Variants in ZNF385C observed in about 807,000 individuals in gnomAD.
The protein encoded by ZNF385C is zinc finger protein 385C, also known as CTD-2132N18.2.
ZNF385C carries 28 observed loss-of-function variants against 35.4 expected under a neutral mutation model. The observed-to-expected ratio is 0.79, with a 90% CI of 0.59 to 1.08. The LOEUF (loss-of-function observed/expected upper bound fraction) is 1.08. Among genes scored for constraint, ZNF385C ranks in the 50% least tolerant of loss-of-function variants. ZNF385C has a pLI of 0.00. For missense variants in ZNF385C, 605 were observed against 595.6 expected, an observed-to-expected ratio of 1.02 and a Z score of -0.16; for synonymous variants, 248 against 248.2, an observed-to-expected ratio of 1.00 and a Z score of 0.01.
intron 1 of ZNF385C, among the ~76,000 whole-genome samples, chr17:42,071,547 A>G (rs2053624113): frequency 6.6e-6 from 1 of 152,132 alleles, no homozygotes; most frequent in South Asian, 2.1e-4. Flanking sequence ...TTGCTGTCTA[A>G]CCTGCATCTC....
At chr17:42,032,289 T>C (rs2143551600) in intron 4 of ZNF385C, among the ~76,000 whole-genome samples, 1 of 152,220 alleles carries the variant, frequency 6.6e-6, no homozygotes, top group African/African-American at 2.4e-5. Flanking sequence ...CTCGATCTCC[T>C]GCCTCGTGAT....
chr17:42,076,222 T>C (rs190038234), intron 1 of ZNF385C, among the ~76,000 whole-genome samples: 8 of 152,328 alleles, frequency 5.3e-5, no homozygotes, highest in Admixed American at 5.2e-4. Context: ...TGCCGTCTAT[T>C]GTGGGCCTTC....
chr17:42,068,972 G>C (rs1428018818), intron 1 of ZNF385C, among the ~76,000 whole-genome samples: 1 of 152,198 alleles, frequency 6.6e-6, no homozygotes, highest in African/African-American at 2.4e-5. Flanking sequence ...GAAAGAGGTG[G>C]GGCCAGAGCC....
Position 42,037,796 on chromosome 17 carries a change from A to T in ZNF385C, c.340T>A (p.Leu114Met). ...GCGCCATTGAAGTGGAAGGCGAGCA[A>T]GTGCTTGAAGTCCAGCGGGGGCTGC... ...PLQPPLDFKH[L>M]LAFHFNGAAP... Residue 114 changes from leucine to methionine, a missense_variant, in exon 3 of 9, where the codon TTG (leucine) becomes ATG (methionine). Leu to Met is a conservative substitution (Grantham distance 15). Coordinates refer to ENST00000692273, the MANE Select transcript of ZNF385C (RefSeq NM_001392013.1). The T allele has an allele frequency of 2.6e-6, 4 of 1,530,400 alleles. No homozygotes were observed. The highest frequency in any genetic ancestry group is 2.6e-6 in the Non-Finnish European group (3 of 1,137,606). 94.8% of individuals were successfully genotyped at this position (1,530,400 alleles called of 1,614,324 possible).
In ZNF385C at chr17:42,034,293, C is replaced by T. The variant is rs782380559; in HGVS notation, c.442G>A (p.Val148Ile). 5 of 1,550,630 alleles carry T rather than the reference C, an allele frequency of 3.2e-6. No individual in the cohort carries two copies. The South Asian group carries it at 3.6e-5, about 11-fold the overall frequency. ...QKAVISHTFG[V>I]PSPLKKKLFI... is the part of the protein sequence containing the mutation. ...AGCTTCTTCTTCAGAGGGGAGGGGA[C>T]ACCAAACGTGTGGCTGATGACAGCT... The change falls in exon 4 of 9, where the codon GTC becomes ATC. Residue 148 changes from valine (V) to isoleucine (I), a missense_variant. Val to Ile is a conservative substitution (Grantham distance 29). Transcript: ENST00000692273.
At chr17:42,027,994 T>G in intron 7 of ZNF385C, 56 bp downstream of exon 7, 32 of 1,367,620 alleles carry the variant, frequency 2.3e-5, no homozygotes, top group Non-Finnish European at 2.8e-5. Context: ...TCTGCTGCCC[T>G]GCCCCCCAAC....
chr17:42,043,208 G>GC (rs2053068401), intron 2 of ZNF385C: 1 of 1,232,274 alleles, frequency 8.1e-7, no homozygotes. Context: ...GCTTTGCCAT[G>GC]CTTGTTCCGT....
chr17:42,043,118 G>A (rs2143673273), intron 2 of ZNF385C: 6 of 1,232,262 alleles, frequency 4.9e-6, no homozygotes, highest in South Asian at 4.1e-5. Context: ...GCCAGAGCCT[G>A]GCGGTGGGCT....
intron 2 of ZNF385C, chr17:42,043,088 G>A (rs1179688831): frequency 1.6e-6 from 2 of 1,232,110 alleles, no homozygotes; most frequent in African/African-American, 1.6e-5. Context: ...CCCTCAAAAG[G>A]GGGCTGGCCC....
chr17:42,039,766 AACCCG>A, intron 2 of ZNF385C: 1 of 1,232,406 alleles, frequency 8.1e-7, no homozygotes, highest in East Asian at 3.2e-5. Context: ...CTCCACAGCC[AACCCG>A]AAGTCAAACT....
At chr17:42,043,105 A>G in intron 2 of ZNF385C, 1 of 1,232,218 alleles carries the variant, frequency 8.1e-7, no homozygotes, top group Non-Finnish European at 1.0e-6. Flanking sequence ...GCCCTGGTTG[A>G]CAGCCAGAGC....
intron 2 of ZNF385C, among the ~76,000 whole-genome samples, chr17:42,051,968 G>A (rs2053290645): frequency 6.6e-6 from 1 of 152,222 alleles, no homozygotes; most frequent in Non-Finnish European, 1.5e-5. Flanking sequence ...AATGAAGGGA[G>A]ATGTTGCAGC....
intron 1 of ZNF385C, among the ~76,000 whole-genome samples, chr17:42,090,562 G>A (rs1555660445): frequency 6.6e-6 from 1 of 151,122 alleles, no homozygotes; most frequent in African/African-American, 2.4e-5. Flanking sequence ...TGGGATTACA[G>A]ACGTGAGCCA....
At chr17:42,040,152 C>T (rs1383608552) in intron 2 of ZNF385C, 3 of 1,231,388 alleles carry the variant, frequency 2.4e-6, no homozygotes, top group Non-Finnish European at 1.0e-6. Flanking sequence ...CCGGCGCCTG[C>T]GGGTAGCGTC....
intron 7 of ZNF385C, 45 bp downstream of exon 7, chr17:42,028,005 C>A: frequency 1.3e-6 from 2 of 1,593,662 alleles, no homozygotes; most frequent in African/African-American, 1.3e-5. Flanking sequence ...GCCCCCCAAC[C>A]CCCTCCCCTG....
At chr17:42,036,496 C>A (rs1340369419) in intron 3 of ZNF385C, among the ~76,000 whole-genome samples, 1 of 151,696 alleles carries the variant, frequency 6.6e-6, no homozygotes, top group Non-Finnish European at 1.5e-5. Context: ...AGTTTGAGAC[C>A]AGCCTGGGTA....
intron 5 of ZNF385C, 39 bp downstream of exon 5, chr17:42,031,580 G>A (rs782067723): frequency 2.0e-6 from 3 of 1,522,494 alleles, no homozygotes; most frequent in East Asian, 2.5e-5. Flanking sequence ...AACCAGATTT[G>A]GAGTGGAGAC....
intron 1 of ZNF385C, among the ~76,000 whole-genome samples, chr17:42,089,501 C>T (rs2053842819): frequency 6.6e-6 from 1 of 152,084 alleles, no homozygotes; most frequent in Non-Finnish European, 1.5e-5. Flanking sequence ...TGATTCCTCC[C>T]ACAGATCAAC....
rs991159072 is a variant in ZNF385C at position 42,064,059 on chromosome 17, C to T, written c.-2-1001G>A. On this transcript the variant is annotated intron_variant, in intron 1 of 8. Coordinates refer to ENST00000692273, the MANE Select transcript of ZNF385C (RefSeq NM_001392013.1). Reference sequence around the variant, plus strand: ...CCTGCCCCCGCCCTGTCCCCCAACGCGCGCACACGCACATACACACACACA... The same window carrying T: ...CCTGCCCCCGCCCTGTCCCCCAACGTGCGCACACGCACATACACACACACA... Among the ~76,000 whole-genome samples, 31 of 145,360 alleles carry T rather than the reference C, an allele frequency of 2.1e-4. 1 individual carries two copies. The highest frequency in any genetic ancestry group is 4.3e-4 in the Admixed American group (6 of 13,948).
Sources: gnomAD v4.1 joint callset for allele counts (sites outside exome capture counted in the v4.1 genomes callset) on GRCh38, gnomAD v4.1.1 for gene constraint, MANE v1.5 for transcripts, NCBI Gene and HGNC (gene_info 2026-07-23, HGNC 2026-07-21) for gene names.